KCNT1: variants seen among roughly 807,000 people sequenced by gnomAD.
KCNT1 encodes potassium channel subfamily T member 1.
KCNT1 carries 78 observed loss-of-function variants against 147.8 expected under a neutral mutation model. The ratio of observed to expected loss-of-function variants is 0.53; its 90% CI spans 0.44 to 0.64. The LOEUF (loss-of-function observed/expected upper bound fraction) is 0.64, where lower values mean the gene tolerates loss of function less well. Ranked by LOEUF, KCNT1 falls within the 30% of genes least tolerant of loss-of-function variation. The pLI is 0.00. For missense variants in KCNT1, 1,419 were observed against 1,750.3 expected (o/e 0.81, Z 3.38); for synonymous variants, 867 against 748.8 (o/e 1.16, Z -2.58).
At chr9:135,737,923 G>A (rs529848825) in intron 2 of KCNT1, among the ~76,000 whole-genome samples, 22 of 152,338 alleles carry the variant, frequency 1.4e-4, no homozygotes, top group Middle Eastern at 3.4e-3. Context: ...GGCAGCCTCC[G>A]CCAGGGAGGC....
intron 21 of KCNT1, among the ~76,000 whole-genome samples, 168 bp downstream of exon 21, chr9:135,777,678 C>T (rs1833267988): frequency 6.6e-6 from 1 of 152,048 alleles, no homozygotes; most frequent in Admixed American, 6.5e-5. Context: ...CCTTCCTGCT[C>T]CCAACTCCTC....
At position 135,759,080 on chromosome 9, in the gene KCNT1, C is replaced by CA. The variant is rs367874991; in HGVS notation, c.854+572_854+573insA. 4.0e-3 allele frequency among the ~76,000 whole-genome samples: 607 copies of CA among 152,348 alleles called. 3 individuals are homozygous for CA. Among genetic ancestry groups the CA allele is most frequent in the African/African-American group, 0.014 (569 of 41,590 alleles). On this transcript the variant is annotated intron_variant, in intron 10 of 30. Transcript: ENST00000371757. Reference sequence around the variant, plus strand: ...CCTGCGTTTCCCGCCTCCCTTCCCCCCTGCCCCTCATGACAGACTGACAGA... The same window carrying CA: ...CCTGCGTTTCCCGCCTCCCTTCCCCCACTGCCCCTCATGACAGACTGACAGA...
chr9:135,792,571 C>A lies in KCNT1; in HGVS notation c.*410C>A, dbSNP rs1039160171. The A allele has an allele frequency of 5.8e-5, 10 of 173,090 alleles. No individual in the cohort carries two copies. The highest frequency in any genetic ancestry group is 4.9e-5 in the Non-Finnish European group (4 of 81,618). The allele number at this position is 173,090 out of a possible 1,614,324, so 10.7% of individuals were successfully genotyped here. On this transcript the variant is annotated 3_prime_UTR_variant, in exon 31 of 31. Transcript: ENST00000371757. ...ACCCAGGAGCCCCGCGTGGGCCACA[C>A]CCAACTCAGAGCCGGCCTGAGCGTT...
chr9:135,751,984 G>A (rs1319639588), intron 4 of KCNT1: 2 of 196,132 alleles, frequency 1.0e-5, no homozygotes, highest in Admixed American at 5.5e-5. Flanking sequence ...CCTGTTTTAC[G>A]CTTTCCCCAT....
At position 135,724,133 on chromosome 9, in the gene KCNT1, C is replaced by T. The variant is rs1387591327; in HGVS notation, c.254+9413C>T. Among the ~76,000 whole-genome samples, 4 of 152,206 alleles carry T rather than the reference C, an allele frequency of 2.6e-5. No individual in the cohort carries two copies. In the East Asian group the frequency reaches 7.7e-4, roughly 29 times the overall value. Reference sequence around the variant, plus strand: ...ACTGTGGGATCCAGGCTCAGAGGCTCGAGAGGCACAGGGGGAGGGCACCAA... The same window carrying T: ...ACTGTGGGATCCAGGCTCAGAGGCTTGAGAGGCACAGGGGGAGGGCACCAA... On this transcript the variant is annotated intron_variant, in intron 2 of 30. Transcript: ENST00000371757.
intron 22 of KCNT1, 23 bp downstream of exon 22, chr9:135,778,518 T>C: frequency 6.3e-7 from 1 of 1,596,344 alleles, no homozygotes; most frequent in Non-Finnish European, 8.5e-7. Context: ...CGGCCGAGGC[T>C]CGTGGGGGCT....
rs189299061 is a variant in KCNT1 at position 135,773,077 on chromosome 9, A to G, written c.2243+128A>G. 1,366 of 599,414 alleles carry G rather than the reference A, an allele frequency of 2.3e-3. 13 individuals carry two copies. The African/African-American group carries it at 0.024, about 11-fold the overall frequency. The allele number at this position is 599,414 out of a possible 1,614,324, so 37.1% of individuals were successfully genotyped here. A position where few individuals can be genotyped will look rare whatever the true frequency, so the allele number is the denominator to read the frequency against. On this transcript the variant is annotated intron_variant, in intron 19 of 30. Transcript: ENST00000371757. Reference sequence around the variant, plus strand: ...TGCAGCTTCTGGACAGCTCCGTGGAAGTCCTTGTTTGACAAATGAAATCTT... The same window carrying G: ...TGCAGCTTCTGGACAGCTCCGTGGAGGTCCTTGTTTGACAAATGAAATCTT...
chr9:135,770,021 C>G lies in KCNT1; in HGVS notation c.1585C>G (p.Leu529Val). 1.3e-6 allele frequency: 2 copies of G among 1,554,528 alleles called. No homozygotes were observed. Among genetic ancestry groups the G allele is most frequent in the Non-Finnish European group, 1.7e-6 (2 of 1,149,352 alleles). The change falls in exon 16 of 31, where the codon CTC (leucine) becomes GTC (valine). Residue 529 changes from leucine to valine, a missense_variant. Leu to Val is a conservative substitution (Grantham distance 32). This residue lies in a region of KCNT1 where 401 missense variants were observed against 610.6 expected (regional missense o/e 0.66). Coordinates refer to ENST00000371757, the MANE Select transcript of KCNT1 (RefSeq NM_020822.3). ...LNCICPATST[L>V]ITLLVHTSRG... ...CTGCATCTGCCCGGCGACCTCCACC[C>G]TCATCACCCTGCTGGTGCACACGTC...
At chr9:135,746,849 G>A (rs1236383360) in intron 2 of KCNT1, among the ~76,000 whole-genome samples, 1 of 152,164 alleles carries the variant, frequency 6.6e-6, no homozygotes, top group Non-Finnish European at 1.5e-5. Context: ...CCCAGAGGGA[G>A]GTCAGAGGGA....
intron 24 of KCNT1, among the ~76,000 whole-genome samples, chr9:135,780,813 G>A (rs145437672): frequency 3.9e-5 from 6 of 152,330 alleles, no homozygotes; most frequent in African/African-American, 4.8e-5. Context: ...TTCGGGTGCC[G>A]GGCCGCTCCC....
intron 17 of KCNT1, 146 bp from the exon 18 acceptor site, chr9:135,770,711 C>T: frequency 1.1e-6 from 1 of 876,034 alleles, no homozygotes; most frequent in Non-Finnish European, 1.7e-6. Flanking sequence ...CGGGAGGGCT[C>T]AGCCAAGGTC....
At chr9:135,744,357 C>T (rs909098390) in intron 2 of KCNT1, among the ~76,000 whole-genome samples, 9 of 152,234 alleles carry the variant, frequency 5.9e-5, no homozygotes, top group Non-Finnish European at 8.8e-5. Context: ...ATGAGAGCCC[C>T]TTTGCAGCAC....
intron 2 of KCNT1, among the ~76,000 whole-genome samples, chr9:135,727,296 TC>T (rs772895960): frequency 0.057 from 5,612 of 98,456 alleles, 319 homozygotes; most frequent in Non-Finnish European, 0.069. Flanking sequence ...TCTCTCCCTG[TC>T]CCTCTCTTTC....
In KCNT1 at chr9:135,714,514, G is replaced by C. The variant is rs1482882740; in HGVS notation, c.111-63G>C. On this transcript the variant is annotated intron_variant, in intron 1 of 30. Coordinates refer to ENST00000371757, the MANE Select transcript of KCNT1 (RefSeq NM_020822.3). The surrounding 1 kb of genome is among the most constrained non-coding windows in gnomAD (Gnocchi z 6.2). ...TGCGCGGGCCGGGCCTGGCGGGCCG[G>C]GGGCTGCGCGCGTCCGCGAGGGCGC... 1.0e-6 allele frequency: 1 copy of C among 976,082 alleles called. No individual in the cohort carries two copies. The highest frequency in any genetic ancestry group is 1.2e-6 in the Non-Finnish European group (1 of 821,818). 60.5% of individuals were successfully genotyped at this position (976,082 alleles called of 1,614,324 possible).
intron 2 of KCNT1, among the ~76,000 whole-genome samples, chr9:135,733,296 CTGCACCTCCCCCCACACCTGCCAG>C (rs1830191399): frequency 2.9e-5 from 3 of 103,384 alleles, no homozygotes; most frequent in South Asian, 4.1e-4. Flanking sequence ...ACACCTGCCC[CTGCACCTCCCCCCACACCTGCCAG>C]CACACCTGCC....
chr9:135,764,764 C>T (rs745598052), intron 11 of KCNT1, among the ~76,000 whole-genome samples: 25 of 152,170 alleles, frequency 1.6e-4, no homozygotes, highest in Non-Finnish European at 2.9e-4. Flanking sequence ...TCCCCACCCT[C>T]GGTTTACTCC....
At chr9:135,783,474 A>G (rs1398768344) in intron 24 of KCNT1, among the ~76,000 whole-genome samples, 2 of 152,200 alleles carry the variant, frequency 1.3e-5, no homozygotes, top group Non-Finnish European at 2.9e-5. Context: ...CAGAAACGGG[A>G]GAGAGGAGAC....
At chr9:135,707,013 G>A (rs1443621203) in intron 1 of KCNT1, among the ~76,000 whole-genome samples, 3 of 151,878 alleles carry the variant, frequency 2.0e-5, no homozygotes, top group East Asian at 1.9e-4. Context: ...GGCCAGGCAC[G>A]GTGGGTCATG....
intron 29 of KCNT1, 49 bp from the exon 30 acceptor site, chr9:135,791,748 G>A (rs1834546398): frequency 2.6e-6 from 4 of 1,518,406 alleles, no homozygotes; most frequent in Admixed American, 1.7e-5. Flanking sequence ...GCAGAGCTGG[G>A]AGGGGCAGGG....
Sources: allele counts gnomAD v4.1 joint callset (sites outside exome capture counted in the v4.1 genomes callset), GRCh38; gene constraint gnomAD v4.1.1; regional missense constraint gnomAD v4.1.1; non-coding constraint Gnocchi (gnomAD v3.1); transcripts MANE v1.5; gene names NCBI Gene and HGNC (gene_info 2026-07-23, HGNC 2026-07-21).